GAS2L3: variants seen among roughly 807,000 people sequenced by gnomAD.
GAS2L3 encodes the protein GAS2-like protein 3.
A neutral mutation model predicts 37.0 loss-of-function variants in GAS2L3; 28 were observed. The ratio of observed to expected loss-of-function variants is 0.76; its 90% CI spans 0.56 to 1.04. The LOEUF is 1.04. Among genes scored for constraint, GAS2L3 ranks in the 50% least tolerant of loss-of-function variants. The pLI, the probability that GAS2L3 is intolerant of heterozygous loss-of-function variation, is 0.00. For missense variants in GAS2L3, 793 were observed against 817.6 expected (o/e 0.97, Z 0.37); for synonymous variants, 290 against 296.6 (o/e 0.98, Z 0.23).
At chr12:100,593,101 A>G (rs532153457) in intron 2 of GAS2L3, among the ~76,000 whole-genome samples, 1 of 152,232 alleles carries the variant, frequency 6.6e-6, no homozygotes, top group Non-Finnish European at 1.5e-5. Context: ...ACACAAAAAT[A>G]TCTTGGAAAG....
rs753510332 is a variant in GAS2L3, at chr12:100,618,568, A to G, written c.629A>G (p.His210Arg). 3.1e-5 allele frequency: 50 copies of G among 1,611,622 alleles called. No homozygotes were observed. Among genetic ancestry groups the G allele is most frequent in the Middle Eastern group, 3.3e-4 (2 of 6,076 alleles). Residue 210 changes from histidine to arginine, a missense_variant, in exon 8 of 10, where the codon CAT (histidine) becomes CGT (arginine). By Grantham distance (29) the His-to-Arg change is conservative. Coordinates refer to ENST00000547754, the MANE Select transcript of GAS2L3 (RefSeq NM_174942.3). ...AGCATTCCAAAATCATGCTGTCGGC[A>G]TGAAGAGCTACATGAAGCTGTAAGT... ...SISIPKSCCR[H>R]EELHEAVKHI...
At chr12:100,601,858 A>C in intron 5 of GAS2L3, 105 bp downstream of exon 5, 25 of 527,238 alleles carry the variant, frequency 4.7e-5, no homozygotes. Context: ...ACTGGCTATG[A>C]GATGTTGAAT....
At chr12:100,621,797 T>C (rs1462488444) in intron 8 of GAS2L3, among the ~76,000 whole-genome samples, 1 of 145,784 alleles carries the variant, frequency 6.9e-6, no homozygotes, top group Non-Finnish European at 1.5e-5. Context: ...CTCATATGTT[T>C]CCTAAAACTC....
chr12:100,576,669 CA>C (rs1347474218), intron 1 of GAS2L3, among the ~76,000 whole-genome samples: 1 of 152,052 alleles, frequency 6.6e-6, no homozygotes. Context: ...AGATACAGAC[CA>C]TAATTATAAC....
chr12:100,618,503 A>T lies in GAS2L3; in HGVS notation c.564A>T (p.Glu188Asp). 1 of 1,612,434 alleles carries T rather than the reference A, an allele frequency of 6.2e-7. No homozygotes were observed. The highest frequency in any genetic ancestry group is 8.5e-7 in the Non-Finnish European group (1 of 1,179,244). Residue 188 changes from glutamate to aspartate, a missense_variant, in exon 8 of 10, where the codon GAA becomes GAT. Physicochemically the swap from Glu to Asp is conservative, Grantham distance 45. Transcript: ENST00000547754. ...AACTTGAGAAAGAAATTGAGTTAGA[A>T]GAGACTTTGCTTAATACTTCTGGGC... ...LVKLEKEIEL[E>D]ETLLNTSGPE...
intron 9 of GAS2L3, among the ~76,000 whole-genome samples, chr12:100,623,048 A>G (rs1730824126): frequency 6.6e-6 from 1 of 152,150 alleles, no homozygotes; most frequent in Non-Finnish European, 1.5e-5. Context: ...ATTTAAAAAT[A>G]TTATTTCACC....
intron 1 of GAS2L3, among the ~76,000 whole-genome samples, chr12:100,591,339 G>A (rs1371568358): frequency 6.6e-6 from 1 of 152,122 alleles, no homozygotes. Flanking sequence ...GGACATTGAG[G>A]AGACAGGTTG....
At chr12:100,578,123 G>A (rs1445513279) in intron 1 of GAS2L3, among the ~76,000 whole-genome samples, 2 of 152,234 alleles carry the variant, frequency 1.3e-5, no homozygotes, top group African/African-American at 4.8e-5. Flanking sequence ...TGGAGAAAAG[G>A]TGACTGTTTC....
rs943091948 is a variant in GAS2L3, at chr12:100,617,903, T to A, written c.509+96T>A. ...ACACTATTTTCTATAAATAAAAAAA[T>A]GCTTTAAATGAACTATTTTCCTGTT... On this transcript the variant is annotated intron_variant, in intron 7 of 9. Coordinates refer to ENST00000547754, the MANE Select transcript of GAS2L3 (RefSeq NM_174942.3). 3 of 685,686 alleles carry A rather than the reference T, an allele frequency of 4.4e-6. No individual in the cohort carries two copies. The Admixed American group carries it at 8.0e-5, about 18-fold the overall frequency. 42.5% of individuals were successfully genotyped at this position (685,686 alleles called of 1,614,324 possible).
chr12:100,598,462 T>C lies in GAS2L3; in HGVS notation c.19-1920T>C, dbSNP rs572640748. On this transcript the variant is annotated intron_variant, in intron 3 of 9. Coordinates refer to ENST00000547754, the MANE Select transcript of GAS2L3 (RefSeq NM_174942.3). ...TATCATTGCCTCCTATCAGGTAGCA[T>C]ATGATTTTGATTTGTCCCATTATTG... Among the ~76,000 whole-genome samples the C allele has an allele frequency of 2.7e-4, 41 of 152,302 alleles. No individual in the cohort carries two copies. In the East Asian group the frequency reaches 5.0e-3, roughly 19 times the overall value.
chr12:100,579,199 A>G (rs916603194), intron 1 of GAS2L3: 9 of 629,872 alleles, frequency 1.4e-5, no homozygotes, highest in Non-Finnish European at 2.6e-5. Flanking sequence ...CAGTCTTAAC[A>G]GACCATCCCC....
At position 100,611,984 on chromosome 12, in the gene GAS2L3, CTTTT is replaced by C. The variant is rs756581637; in HGVS notation, c.304-15_304-12del. 3 of 1,550,084 alleles carry C rather than the reference CTTTT, an allele frequency of 1.9e-6. No individual in the cohort carries two copies. The highest frequency in any genetic ancestry group is 2.7e-6 in the Non-Finnish European group (3 of 1,127,924). The stretch of plus-strand genomic sequence containing the variant: ...TCCTTGATACATTTTTGAAATTATT[CTTTT>C]GTCTTTTCCAGAATTTTCCAATGAG... On this transcript the variant is annotated splice_polypyrimidine_tract_variant and intron_variant, in intron 5 of 9. Coordinates refer to ENST00000547754, the MANE Select transcript of GAS2L3 (RefSeq NM_174942.3).
intron 1 of GAS2L3, among the ~76,000 whole-genome samples, chr12:100,577,571 T>C (rs1385475505): frequency 6.6e-6 from 1 of 152,224 alleles, no homozygotes; most frequent in Non-Finnish European, 1.5e-5. Flanking sequence ...TATTTTTCTC[T>C]TAAAAATCTT....
intron 8 of GAS2L3, among the ~76,000 whole-genome samples, chr12:100,619,638 G>GTA (rs376060090): frequency 1.8e-4 from 28 of 151,558 alleles, no homozygotes; most frequent in African/African-American, 5.1e-4. Context: ...GTGTGTGTGT[G>GTA]TATATATATA....
At chr12:100,596,660 A>G (rs948775439) in intron 3 of GAS2L3, among the ~76,000 whole-genome samples, 1 of 152,130 alleles carries the variant, frequency 6.6e-6, no homozygotes, top group Non-Finnish European at 1.5e-5. Flanking sequence ...ATGTCTTACT[A>G]ATTTAATACT....
intron 1 of GAS2L3, among the ~76,000 whole-genome samples, chr12:100,576,338 T>A (rs1400918010): frequency 6.6e-6 from 1 of 152,214 alleles, no homozygotes; most frequent in African/African-American, 2.4e-5. Context: ...GAGCTTGCTG[T>A]TGATGATGAG....
intron 3 of GAS2L3, among the ~76,000 whole-genome samples, 195 bp downstream of exon 3, chr12:100,595,117 A>G (rs1955895024): frequency 6.6e-6 from 1 of 151,928 alleles, no homozygotes; most frequent in Non-Finnish European, 1.5e-5. Flanking sequence ...TTTATACTGA[A>G]TATTTGTAAA....
intron 1 of GAS2L3, chr12:100,579,874 G>A (rs533260846): frequency 4.5e-5 from 34 of 750,146 alleles, no homozygotes; most frequent in African/African-American, 2.2e-4. Context: ...GAAAATATCC[G>A]TAACATAGTA....
At chr12:100,596,807 C>T (rs1955918364) in intron 3 of GAS2L3, among the ~76,000 whole-genome samples, 1 of 152,052 alleles carries the variant, frequency 6.6e-6, no homozygotes, top group Non-Finnish European at 1.5e-5. Context: ...TATGAAGTCA[C>T]TCTCTGTGAA....
Sources: gnomAD v4.1 joint callset for allele counts (sites outside exome capture counted in the v4.1 genomes callset) on GRCh38, gnomAD v4.1.1 for gene constraint, MANE v1.5 for transcripts, NCBI Gene and HGNC (gene_info 2026-07-23, HGNC 2026-07-21) for gene names.